Variants in ADAM29 observed in about 807,000 individuals in gnomAD.
ADAM29 encodes the protein disintegrin and metalloproteinase domain-containing protein 29.
For synonymous variants in ADAM29, 367 were observed against 342.3 expected, an observed-to-expected ratio of 1.07 and a Z score of -0.80; for missense variants, 969 against 1,001.8, an observed-to-expected ratio of 0.97 and a Z score of 0.44.
At position 174,976,394 on chromosome 4, in the gene ADAM29, C is replaced by A; in HGVS notation, c.869C>A (p.Thr290Lys). ...CAACATGACACCTCACATCTTTTCA[C>A]AACTCTAGGATTAAGAGGGTTAAGT... Reference protein sequence around the residue: ...RMQHDTSHLFTTLGLRGLSGI... With the variant: ...RMQHDTSHLFKTLGLRGLSGI... The change falls in exon 5 of 5, where the codon ACA becomes AAA. Residue 290 changes from threonine (T) to lysine (K), a missense_variant. Physicochemically the swap from Thr to Lys is moderately conservative, Grantham distance 78. Transcript: ENST00000359240. 1 of 1,598,242 alleles carries A rather than the reference C, an allele frequency of 6.3e-7. No homozygotes were observed. The highest frequency in any genetic ancestry group is 8.5e-7 in the Non-Finnish European group (1 of 1,173,792).
intron 4 of ADAM29, among the ~76,000 whole-genome samples, chr4:174,967,773 G>A (rs1746234689): frequency 6.6e-6 from 1 of 152,188 alleles, no homozygotes; most frequent in Admixed American, 6.5e-5. Flanking sequence ...CTCATTTAAT[G>A]CTTATTGATT....
At chr4:174,971,754 G>T (rs1746492167) in intron 4 of ADAM29, among the ~76,000 whole-genome samples, 4 of 151,992 alleles carry the variant, frequency 2.6e-5, no homozygotes. Flanking sequence ...CCTCAGATTT[G>T]GGAAGTGTTC....
chr4:174,940,594 T>G (rs1235865522), intron 4 of ADAM29, among the ~76,000 whole-genome samples: 1 of 152,172 alleles, frequency 6.6e-6, no homozygotes, highest in African/African-American at 2.4e-5. Context: ...ATCTTCTATT[T>G]TGCCAACATT....
chr4:174,934,426 A>G (rs990797923), intron 3 of ADAM29, among the ~76,000 whole-genome samples: 1 of 151,952 alleles, frequency 6.6e-6, no homozygotes, highest in African/African-American at 2.4e-5. Context: ...TATTTTCTCC[A>G]TATTTACCAT....
intron 2 of ADAM29, among the ~76,000 whole-genome samples, chr4:174,923,062 TA>T (rs747351522): frequency 5.1e-5 from 7 of 138,336 alleles, no homozygotes; most frequent in East Asian, 2.1e-4. Flanking sequence ...AATTAATTAT[TA>T]TTATTTTTTT....
intron 4 of ADAM29, among the ~76,000 whole-genome samples, chr4:174,953,129 A>T (rs1745281260): frequency 6.6e-6 from 1 of 152,098 alleles, no homozygotes; most frequent in African/African-American, 2.4e-5. Flanking sequence ...TATTAAAAAT[A>T]CAAAAAATTA....
rs1432903202 is a variant in ADAM29 at position 174,977,375 on chromosome 4, A to G, written c.1850A>G (p.His617Arg). The change falls in exon 5 of 5, where the codon CAT becomes CGT. Residue 617 changes from histidine to arginine, a missense_variant. Physicochemically the swap from His to Arg is conservative, Grantham distance 29 (BLOSUM62 0). Transcript: ENST00000359240. ...DHICIHRHCVHITILNSNCSP... is the reference protein window; with the variant it reads ...DHICIHRHCVRITILNSNCSP... ...ATATGCATCCACAGGCACTGTGTCCATATAACCATCTTGAATAGTAATTGC... is the reference window on the plus strand; with the variant it reads ...ATATGCATCCACAGGCACTGTGTCCGTATAACCATCTTGAATAGTAATTGC... 5 of 1,613,880 alleles carry G rather than the reference A, an allele frequency of 3.1e-6. No homozygotes were observed. The South Asian group carries it at 4.4e-5, about 14-fold the overall frequency.
chr4:174,953,903 G>A (rs1260932294), intron 4 of ADAM29, among the ~76,000 whole-genome samples: 1 of 151,976 alleles, frequency 6.6e-6, no homozygotes, highest in Non-Finnish European at 1.5e-5. Flanking sequence ...GTAGAGATGG[G>A]GTTTCACCAC....
intron 3 of ADAM29, among the ~76,000 whole-genome samples, chr4:174,933,840 G>C (rs1744049232): frequency 6.6e-6 from 1 of 152,108 alleles, no homozygotes; most frequent in Admixed American, 6.5e-5. Context: ...GTATTCCATG[G>C]TGCACATGTA....
At chr4:174,966,020 T>C (rs1019994170) in intron 4 of ADAM29, among the ~76,000 whole-genome samples, 1 of 152,212 alleles carries the variant, frequency 6.6e-6, no homozygotes, top group African/African-American at 2.4e-5. Flanking sequence ...AAAACCCAGA[T>C]GTTCAAGTTT....
At chr4:174,919,037 AG>A (rs1465741617) in intron 1 of ADAM29, 1 of 152,146 alleles carries the variant, frequency 6.6e-6, no homozygotes, top group African/African-American at 2.4e-5. Flanking sequence ...AATTTTTAAA[AG>A]TCTTTAACCA....
chr4:174,929,221 A>G (rs1290382757), intron 2 of ADAM29, among the ~76,000 whole-genome samples: 1 of 152,166 alleles, frequency 6.6e-6, no homozygotes, highest in Non-Finnish European at 1.5e-5. Context: ...TCTGTGAGGT[A>G]CACTCCTGGT....
At chr4:174,938,789 T>G (rs1198844264) in intron 4 of ADAM29, among the ~76,000 whole-genome samples, 1 of 152,132 alleles carries the variant, frequency 6.6e-6, no homozygotes, top group Non-Finnish European at 1.5e-5. Context: ...CAACAGAATT[T>G]CATTCTCCCA....
chr4:174,974,687 T>G (rs1746656024), intron 4 of ADAM29, among the ~76,000 whole-genome samples: 1 of 152,224 alleles, frequency 6.6e-6, no homozygotes, highest in African/African-American at 2.4e-5. Flanking sequence ...CATTATTTAT[T>G]ACATAAAGAA....
chr4:174,922,528 C>T lies in ADAM29; in HGVS notation c.-451+1736C>T, dbSNP rs887503156. On this transcript the variant is annotated intron_variant, in intron 2 of 4. Coordinates refer to ENST00000359240, the MANE Select transcript of ADAM29 (RefSeq NM_014269.4). ...TGATGAGGCTGAGTTTCAATCAGCA[C>T]GAGCATAAGAAACTCAGAGGTACCA... Among the ~76,000 whole-genome samples the T allele has an allele frequency of 3.0e-4, 45 of 151,924 alleles. 1 individual carries two copies. The highest frequency in any genetic ancestry group is 7.7e-4 in the East Asian group (4 of 5,166).
chr4:174,933,155 G>T (rs1168105526), intron 3 of ADAM29, among the ~76,000 whole-genome samples: 1 of 152,138 alleles, frequency 6.6e-6, no homozygotes, highest in African/African-American at 2.4e-5. Context: ...AATGGGGTCT[G>T]GGATAACAAA....
At chr4:174,923,065 TA>T (rs33957113) in intron 2 of ADAM29, among the ~76,000 whole-genome samples, 34,233 of 151,320 alleles carry the variant, frequency 0.23, 5,585 homozygotes, top group African/African-American at 0.47. Context: ...TAATTATTAT[TA>T]TTTTTTTGAG....
At chr4:174,967,430 C>A (rs1453713108) in intron 4 of ADAM29, among the ~76,000 whole-genome samples, 2 of 152,066 alleles carry the variant, frequency 1.3e-5, no homozygotes, top group African/African-American at 2.4e-5. Flanking sequence ...TCCTGTCTAC[C>A]CTCTTTTGCT....
intron 2 of ADAM29, among the ~76,000 whole-genome samples, chr4:174,923,315 A>G (rs1743274668): frequency 6.6e-6 from 1 of 151,784 alleles, no homozygotes; most frequent in Non-Finnish European, 1.5e-5. Context: ...TCGGACTCCC[A>G]AAGTGCTGGG....
Sources: gnomAD v4.1 joint callset for allele counts (sites outside exome capture counted in the v4.1 genomes callset) on GRCh38, gnomAD v4.1.1 for gene constraint, MANE v1.5 for transcripts, NCBI Gene and HGNC (gene_info 2026-07-23, HGNC 2026-07-21) for gene names.